GAB3: variants seen among roughly 807,000 people sequenced by gnomAD.
GAB3 encodes the protein GRB2-associated-binding protein 3.
GAB3 carries 12 observed loss-of-function variants against 40.4 expected under a neutral mutation model. The observed-to-expected ratio is 0.30, with a 90% CI of 0.19 to 0.48. The LOEUF (loss-of-function observed/expected upper bound fraction) is 0.48. Among genes scored for constraint, GAB3 ranks in the 20% least tolerant of loss-of-function variants. The pLI, the probability that GAB3 is intolerant of heterozygous loss-of-function variation, is 0.99. For missense variants in GAB3, 381 were observed against 461.9 expected, an observed-to-expected ratio of 0.82 and a Z score of 1.61; for synonymous variants, 154 against 176.7, an observed-to-expected ratio of 0.87 and a Z score of 1.02.
chrX:154,725,721 AAAC>A (rs1213016888), intron 1 of GAB3, among the ~76,000 whole-genome samples: 2 of 111,299 alleles, frequency 1.8e-5, no homozygotes, highest in African/African-American at 6.5e-5. Context: ...GTGCATCCTA[AAAC>A]AACTACTGAA....
intron 5 of GAB3, 123 bp downstream of exon 5, chrX:154,699,877 TCAGG>T: frequency 1.7e-6 from 1 of 586,790 alleles, no homozygotes; most frequent in Non-Finnish European, 2.8e-6. Context: ...GTTCAAGTCT[TCAGG>T]GGAGACTGGA....
rs1314011823 is a variant in GAB3 at position 154,726,760 on chromosome X, C to T, written c.73-10431G>A. Reference sequence around the variant, plus strand: ...GCCTCTCAGTACCTCCCAATGGTATCGCCATCCTTCCATTCTGTAAATACA... The same window carrying T: ...GCCTCTCAGTACCTCCCAATGGTATTGCCATCCTTCCATTCTGTAAATACA... On this transcript the variant is annotated intron_variant, in intron 1 of 9. Transcript: ENST00000424127. Among the ~76,000 whole-genome samples the T allele has an allele frequency of 2.1e-4, 23 of 111,627 alleles. No homozygotes were observed. In the Admixed American group the frequency reaches 2.2e-3, roughly 11 times the overall value.
chrX:154,708,668 C>T (rs1276695581), intron 4 of GAB3, among the ~76,000 whole-genome samples: 1 of 111,626 alleles, frequency 9.0e-6, no homozygotes, highest in Non-Finnish European at 1.9e-5. Flanking sequence ...AGGTATCGGC[C>T]CACACCTGTG....
At chrX:154,751,463 G>A (rs984576059), upstream of GAB3, 4 of 731,750 alleles carry the variant, frequency 5.5e-6, no homozygotes, top group African/African-American at 9.4e-5. Flanking sequence ...TGGGTCTCAG[G>A]GACCCTGGAG....
rs371779500 is a variant in GAB3, at chrX:154,716,124, C to T, written c.278G>A (p.Arg93His). The T allele has an allele frequency of 1.7e-6, 2 of 1,210,531 alleles. No individual in the cohort carries two copies. The highest frequency in any genetic ancestry group is 1.1e-6 in the Non-Finnish European group (1 of 895,058). Residue 93 changes from arginine to histidine, a missense_variant, in exon 2 of 10, where the codon CGT becomes CAT. Coordinates refer to ENST00000424127, the MANE Select transcript of GAB3 (RefSeq NM_001081573.3). ...NFVFIVKTTS[R>H]TFYLVAKTEQ... ...AGTTTTGGCCACCAGGTAGAATGTA[C>T]GGGAAGTAGTCTTGACAATGAACAC...
At chrX:154,724,505 G>A (rs781934262) in intron 1 of GAB3, among the ~76,000 whole-genome samples, 55 of 111,227 alleles carry the variant, frequency 4.9e-4, no homozygotes, top group African/African-American at 1.7e-3. Flanking sequence ...AGCTCTGAGG[G>A]CTTTTCCAGC....
intron 1 of GAB3, among the ~76,000 whole-genome samples, chrX:154,749,259 C>G (rs2071574892): frequency 8.9e-6 from 1 of 112,620 alleles, no homozygotes; most frequent in Admixed American, 9.3e-5. Flanking sequence ...TAATAAACTT[C>G]CCTAAGCCAG....
chrX:154,702,319 T>G (rs1471978987), intron 4 of GAB3, among the ~76,000 whole-genome samples: 1 of 111,985 alleles, frequency 8.9e-6, no homozygotes, highest in Non-Finnish European at 1.9e-5. Flanking sequence ...CACAGAATAA[T>G]TAAACTAAGA....
Position 154,697,124 on chromosome X carries a change from A to G in GAB3, c.1427+8T>C. ...CTGGATGAGGCTCTTTTGAGCAATC[A>G]GTCTTACCAAGGCACAGTGCGGGTC... On this transcript the variant is annotated splice_region_variant and intron_variant, in intron 7 of 9. Transcript: ENST00000424127. 8.4e-7 allele frequency: 1 copy of G among 1,194,053 alleles called. No homozygotes were observed. Among genetic ancestry groups the G allele is most frequent in the South Asian group, 1.8e-5 (1 of 56,445 alleles).
At chrX:154,704,407 T>C (rs909187664) in intron 4 of GAB3, among the ~76,000 whole-genome samples, 11 of 111,580 alleles carry the variant, frequency 9.9e-5, no homozygotes, top group Non-Finnish European at 2.1e-4. Flanking sequence ...AAGAGTGTAA[T>C]TGGATTGTTT....
At position 154,719,543 on chromosome X, in the gene GAB3, G is replaced by A. The variant is rs2071096978; in HGVS notation, c.73-3214C>T. Among the ~76,000 whole-genome samples the A allele has an allele frequency of 7.1e-5, 8 of 112,098 alleles. No individual in the cohort carries two copies. In the South Asian group the frequency reaches 3.0e-3, roughly 42 times the overall value. ...AAACTTTGCGTAAGTAGTTCAGCAG[G>A]GCTGGAAGGCAGGCATGAGGGTGGA... On this transcript the variant is annotated intron_variant, in intron 1 of 9. Coordinates refer to ENST00000424127, the MANE Select transcript of GAB3 (RefSeq NM_001081573.3).
intron 8 of GAB3, among the ~76,000 whole-genome samples, chrX:154,687,291 C>T (rs138597408): frequency 0.026 from 2,904 of 110,147 alleles, 36 homozygotes; most frequent in Non-Finnish European, 0.037. Context: ...ATAGTAAAGA[C>T]TCAATTCTCA....
Position 154,693,053 on chromosome X carries a change from C to T in GAB3, c.1530+2864G>A, listed in dbSNP as rs73247660. ...TATTCATAATAGACAATGGTAGGAA[C>T]AACCCTAAATGCCCATTAGCAGATG... is the stretch of plus-strand genomic sequence containing the variant. On this transcript the variant is annotated intron_variant, in intron 8 of 9. Transcript: ENST00000424127. 3.5e-3 allele frequency among the ~76,000 whole-genome samples: 386 copies of T among 111,593 alleles called. 1 individual carries two copies. The highest frequency in any genetic ancestry group is 6.2e-3 in the Non-Finnish European group (330 of 53,075).
chrX:154,717,381 G>A (rs1008851684), intron 1 of GAB3, among the ~76,000 whole-genome samples: 7 of 110,967 alleles, frequency 6.3e-5, no homozygotes, highest in Non-Finnish European at 9.5e-5. Context: ...GAGATGGAGT[G>A]GGGGGTGGGG....
intron 1 of GAB3, among the ~76,000 whole-genome samples, chrX:154,741,954 C>T (rs1389462639): frequency 9.0e-6 from 1 of 111,450 alleles, no homozygotes; most frequent in Non-Finnish European, 1.9e-5. Flanking sequence ...TGGTCCTGCC[C>T]TTGACATGTG....
chrX:154,708,615 C>T (rs113031222), intron 4 of GAB3, among the ~76,000 whole-genome samples: 4,389 of 111,784 alleles, frequency 0.039, 82 homozygotes, highest in Middle Eastern at 0.051. Flanking sequence ...AAAAAATGCT[C>T]GACATCACTA....
At chrX:154,720,551 C>T (rs911320516) in intron 1 of GAB3, among the ~76,000 whole-genome samples, 3 of 97,894 alleles carry the variant, frequency 3.1e-5, no homozygotes, top group Non-Finnish European at 6.0e-5. Context: ...GCGTGAACCC[C>T]GGGGGGCGGA....
intron 8 of GAB3, among the ~76,000 whole-genome samples, chrX:154,683,316 G>C (rs782142344): frequency 3.6e-5 from 4 of 112,188 alleles, no homozygotes; most frequent in Non-Finnish European, 7.5e-5. Flanking sequence ...CAATTGTAAT[G>C]GTCTGGTTGT....
chrX:154,682,291 C>T (rs1343093836), intron 8 of GAB3, among the ~76,000 whole-genome samples: 13 of 111,848 alleles, frequency 1.2e-4, no homozygotes, highest in African/African-American at 4.2e-4. Flanking sequence ...TTCGAGTTAT[C>T]ATTCATATAA....
Sources: gnomAD v4.1 joint callset for allele counts (sites outside exome capture counted in the v4.1 genomes callset) on GRCh38, gnomAD v4.1.1 for gene constraint, MANE v1.5 for transcripts, NCBI Gene and HGNC (gene_info 2026-07-23, HGNC 2026-07-21) for gene names.